The following PPP2R5C variants were observed in gnomAD, a reference collection of about 807,000 sequenced individuals.
PPP2R5C encodes the protein protein phosphatase 2 regulatory subunit B'gamma, also known as serine/threonine-protein phosphatase 2A 56 kDa regulatory subunit gamma isoform.
A neutral mutation model predicts 68.9 loss-of-function variants in PPP2R5C; 7 were observed. The ratio of observed to expected loss-of-function variants is 0.10; its 90% CI spans 0.06 to 0.19. PPP2R5C has a LOEUF of 0.19. Among genes scored for constraint, PPP2R5C ranks in the 10% least tolerant of loss-of-function variants. The probability of loss-of-function intolerance (pLI) is 1.00; values close to 1 mark genes in which losing one functional copy is unlikely to be tolerated. For synonymous variants in PPP2R5C, 210 were observed against 222.2 expected, an observed-to-expected ratio of 0.95 and a Z score of 0.49; for missense variants, 348 against 641.3, an observed-to-expected ratio of 0.54 and a Z score of 4.94.
In PPP2R5C at chr14:101,916,636, G is replaced by A. The variant is rs2046685131; in HGVS notation, c.1327-1195G>A. On this transcript the variant is annotated intron_variant, in intron 12 of 13. Coordinates refer to ENST00000334743, the Ensembl canonical transcript of PPP2R5C. The surrounding 1 kb of genome is among the most constrained non-coding windows in gnomAD (Gnocchi z 5.5). ...CATGCCAGAGGTGGCTCCGTCAGAG[G>A]ATGAGGGCCAACACCAGACGGTGGC... Among the ~76,000 whole-genome samples, 1 of 147,658 alleles carries A rather than the reference G, an allele frequency of 6.8e-6. No homozygotes were observed. Among genetic ancestry groups the A allele is most frequent in the African/African-American group, 2.5e-5 (1 of 40,582 alleles).
chr14:101,915,305 C>T lies in PPP2R5C; in HGVS notation c.1327-2526C>T, dbSNP rs1304491521. Among the ~76,000 whole-genome samples the T allele has an allele frequency of 6.6e-6, 1 of 152,170 alleles. No individual in the cohort carries two copies. Among genetic ancestry groups the T allele is most frequent in the Non-Finnish European group, 1.5e-5 (1 of 68,028 alleles). On this transcript the variant is annotated intron_variant, in intron 12 of 13. Transcript: ENST00000334743. The surrounding 1 kb of genome is among the most constrained non-coding windows in gnomAD (Gnocchi z 4.2). ...CTATGTTGGCCAGGCTGGTCTCGAA[C>T]TCCTGACCTTGTGATCTACCTGCCT...
upstream of PPP2R5C, chr14:101,809,766 A>T: frequency 7.8e-7 from 1 of 1,288,274 alleles, no homozygotes; most frequent in Non-Finnish European, 1.0e-6. Flanking sequence ...CAGTTTTTTT[A>T]GTGTCATTTT....
At chr14:101,860,609 C>T (rs928919452) in intron 2 of PPP2R5C, among the ~76,000 whole-genome samples, 1 of 152,118 alleles carries the variant, frequency 6.6e-6, no homozygotes, top group Non-Finnish European at 1.5e-5. Flanking sequence ...ACTACCAGAC[C>T]GTTTTCACAG....
upstream of PPP2R5C, among the ~76,000 whole-genome samples, chr14:101,760,906 A>AGGGCTGGCCGAGGGGAG (rs1424687921): frequency 2.1e-3 from 101 of 47,442 alleles, no homozygotes; most frequent in Middle Eastern, 0.018. Context: ...GTCGAGGGGA[A>AGGGCTGGCCGAGGGGAG]GGGCTGGCCG....
At chr14:101,785,537 T>C (rs902405933) in intron 2 of PPP2R5C, among the ~76,000 whole-genome samples, 5 of 152,178 alleles carry the variant, frequency 3.3e-5, no homozygotes, top group African/African-American at 9.7e-5. Flanking sequence ...CCTGCTTTCA[T>C]TGTCCCATTG....
chr14:101,774,094 C>T (rs1003667534), intron 2 of PPP2R5C, among the ~76,000 whole-genome samples: 3 of 152,146 alleles, frequency 2.0e-5, no homozygotes, highest in Admixed American at 6.5e-5. Flanking sequence ...GAACGAGGGG[C>T]AAGAGCTGAA....
At chr14:101,810,915 G>A (rs1230949896) in intron 1 of PPP2R5C, among the ~76,000 whole-genome samples, 3 of 152,118 alleles carry the variant, frequency 2.0e-5, no homozygotes, top group South Asian at 2.1e-4. Context: ...ATAATTGGGT[G>A]AAATAGAAAA....
At chr14:101,828,767 T>G (rs1420331490) in intron 1 of PPP2R5C, among the ~76,000 whole-genome samples, 3 of 147,262 alleles carry the variant, frequency 2.0e-5, no homozygotes, top group African/African-American at 7.6e-5. Context: ...AACCTCCGCC[T>G]CCTGGGTTCA....
chr14:101,913,138 T>C lies in PPP2R5C; in HGVS notation c.1326+665T>C, dbSNP rs1004674206. Among the ~76,000 whole-genome samples the C allele has an allele frequency of 5.3e-5, 8 of 152,228 alleles. No homozygotes were observed. Among genetic ancestry groups the C allele is most frequent in the Non-Finnish European group, 8.8e-5 (6 of 68,044 alleles). On this transcript the variant is annotated intron_variant, in intron 12 of 13. Coordinates refer to ENST00000334743, the Ensembl canonical transcript of PPP2R5C. The surrounding 1 kb of genome is among the most constrained non-coding windows in gnomAD (Gnocchi z 4.1). ...TTTGATGTACGCTGCTGTAAATGACTAGAGCGTTATGACAGTTTCTTCACG... is the reference window on the plus strand; with the variant it reads ...TTTGATGTACGCTGCTGTAAATGACCAGAGCGTTATGACAGTTTCTTCACG...
chr14:101,818,996 C>T (rs1014023369), intron 1 of PPP2R5C: 3 of 1,547,766 alleles, frequency 1.9e-6, no homozygotes, highest in African/African-American at 1.4e-5. Flanking sequence ...CTCTAGGGAA[C>T]AAGTCCTGAA....
intron 2 of PPP2R5C, among the ~76,000 whole-genome samples, chr14:101,774,869 G>C (rs1208647332): frequency 6.6e-6 from 1 of 152,214 alleles, no homozygotes; most frequent in Non-Finnish European, 1.5e-5. Context: ...AAATATTCAA[G>C]GCTTCAGGGG....
intron 3 of PPP2R5C, among the ~76,000 whole-genome samples, chr14:101,801,133 A>G (rs1280695201): frequency 6.6e-6 from 1 of 152,246 alleles, no homozygotes; most frequent in Admixed American, 6.5e-5. Context: ...AATAAGTTCT[A>G]GAATTCAAGA....
chr14:101,792,872 A>AT (rs1184100489), intron 3 of PPP2R5C, among the ~76,000 whole-genome samples: 1 of 144,256 alleles, frequency 6.9e-6, no homozygotes, highest in Non-Finnish European at 1.5e-5. Context: ...CAAATCAGCC[A>AT]TTTTTCTTTT....
At chr14:101,787,434 G>C (rs537572222) in intron 3 of PPP2R5C, among the ~76,000 whole-genome samples, 1 of 151,938 alleles carries the variant, frequency 6.6e-6, no homozygotes, top group East Asian at 1.9e-4. Flanking sequence ...GTGGATTTAC[G>C]GGTGGATGAA....
At position 101,825,931 on chromosome 14, in the gene PPP2R5C, A is replaced by G. The variant is rs1207197806; in HGVS notation, c.94+15895A>G. Among the ~76,000 whole-genome samples the G allele has an allele frequency of 6.6e-6, 1 of 152,218 alleles. No homozygotes were observed. The highest frequency in any genetic ancestry group is 1.9e-4 in the East Asian group (1 of 5,200). On this transcript the variant is annotated intron_variant, in intron 1 of 13. Coordinates refer to ENST00000334743, the Ensembl canonical transcript of PPP2R5C. This position sits in a 1 kb window ranked among gnomAD's most constrained non-coding sequence, Gnocchi z 4.0. ...TGAGGGGGAACAATAAGTGACAAGC[A>G]TGAAGAATGAAGAGGGAACTGACCA... is the stretch of plus-strand genomic sequence containing the variant.
At chr14:101,784,191 A>G (rs949328856) in intron 2 of PPP2R5C, among the ~76,000 whole-genome samples, 4 of 152,182 alleles carry the variant, frequency 2.6e-5, no homozygotes, top group Non-Finnish European at 5.9e-5. Context: ...GCACCTTAGT[A>G]GAAAGTAAAG....
At chr14:101,799,934 C>T (rs577673014) in intron 3 of PPP2R5C, among the ~76,000 whole-genome samples, 1 of 152,326 alleles carries the variant, frequency 6.6e-6, no homozygotes, top group South Asian at 2.1e-4. Flanking sequence ...GGGATTCTCC[C>T]TGCAGTGACT....
intron 9 of PPP2R5C, among the ~76,000 whole-genome samples, chr14:101,904,994 G>C (rs943595396): frequency 6.6e-6 from 1 of 152,240 alleles, no homozygotes; most frequent in East Asian, 1.9e-4. Context: ...GTTGAATCTG[G>C]GTGGAGGGAG....
intron 1 of PPP2R5C, among the ~76,000 whole-genome samples, chr14:101,847,773 C>T (rs1392506028): frequency 6.6e-6 from 1 of 151,716 alleles, no homozygotes; most frequent in Non-Finnish European, 1.5e-5. Context: ...AGCGATTCTC[C>T]TGCCTCAGCC....
Sources: gnomAD v4.1 joint callset for allele counts (sites outside exome capture counted in the v4.1 genomes callset) on GRCh38, gnomAD v4.1.1 for gene constraint, Gnocchi (gnomAD v3.1) non-coding constraint, MANE v1.5 for transcripts, NCBI Gene and HGNC (gene_info 2026-07-23, HGNC 2026-07-21) for gene names.